Variants in ZBTB17 observed in about 807,000 individuals in gnomAD.
ZBTB17 encodes zinc finger and BTB domain-containing protein 17.
A neutral mutation model predicts 85.1 loss-of-function variants in ZBTB17; 24 were observed. That is an observed-to-expected ratio of 0.28 (90% CI 0.20 to 0.40). ZBTB17 has a LOEUF of 0.40. Among genes scored for constraint, ZBTB17 ranks in the 10% least tolerant of loss-of-function variants. The pLI, the probability that ZBTB17 is intolerant of heterozygous loss-of-function variation, is 1.00. For missense variants in ZBTB17, 743 were observed against 1,105.1 expected, an observed-to-expected ratio of 0.67 and a Z score of 4.65; for synonymous variants, 464 against 460.2, an observed-to-expected ratio of 1.01 and a Z score of -0.11.
At chr1:15,946,859 G>C in intron 4 of ZBTB17, 76 bp downstream of exon 4, 3 of 1,502,054 alleles carry the variant, frequency 2.0e-6, no homozygotes, top group Middle Eastern at 2.4e-4. Flanking sequence ...CTGAGACCCA[G>C]AAAGTCAGAG....
chr1:15,941,993 A>G lies in ZBTB17; in HGVS notation c.2388T>C (p.Pro796=). The G allele has an allele frequency of 6.2e-7, 1 of 1,600,254 alleles. No individual in the cohort carries two copies. Among genetic ancestry groups the G allele is most frequent in the East Asian group, 2.2e-5 (1 of 44,738 alleles). Residue 796 remains proline, a synonymous_variant, in exon 16 of 16, where the codon CCT becomes CCC. Coordinates refer to ENST00000375743, the MANE Select transcript of ZBTB17 (RefSeq NM_003443.3). ...CTCACTCGGCAGGCGGGGGACATTC[A>G]GGAGCTGTAGGGGAGGTCTCTGCCA... ...PALAETSPTA[P]ECPPPAE is the part of the protein sequence containing the mutation.
intron 2 of ZBTB17, among the ~76,000 whole-genome samples, chr1:15,961,763 C>G (rs1402707291): frequency 6.6e-6 from 1 of 152,230 alleles, no homozygotes; most frequent in Non-Finnish European, 1.5e-5. Flanking sequence ...AGACCACCCC[C>G]AAGTGTGACC....
rs1003938904 is a variant in ZBTB17 at position 15,952,509 on chromosome 1, C to A, written c.-2-4012G>T. Among the ~76,000 whole-genome samples, 11 of 152,362 alleles carry A rather than the reference C, an allele frequency of 7.2e-5. No homozygotes were observed. Among genetic ancestry groups the A allele is most frequent in the African/African-American group, 2.6e-4 (11 of 41,590 alleles). On this transcript the variant is annotated intron_variant, in intron 2 of 15. Transcript: ENST00000375743. This position sits in a 1 kb window ranked among gnomAD's most constrained non-coding sequence, Gnocchi z 4.3. ...GCCAGCCATTCCTCCCCTGCCAGGGCCCACCACGCCTCCCATGGAGAGACG... is the reference window on the plus strand; with the variant it reads ...GCCAGCCATTCCTCCCCTGCCAGGGACCACCACGCCTCCCATGGAGAGACG...
rs1474206940 is a variant in ZBTB17, at chr1:15,953,501, G to A, written c.-2-5004C>T. Among the ~76,000 whole-genome samples the A allele has an allele frequency of 6.6e-6, 1 of 152,258 alleles. No individual in the cohort carries two copies. The highest frequency in any genetic ancestry group is 1.5e-5 in the Non-Finnish European group (1 of 68,038). The stretch of plus-strand genomic sequence containing the variant: ...AGCTAAGAGAGCCGCCAAGGCTCCT[G>A]CGGGTGGGATTTGGAAGGGCTGGCC... On this transcript the variant is annotated intron_variant, in intron 2 of 15. Transcript: ENST00000375743. This position sits in a 1 kb window ranked among gnomAD's most constrained non-coding sequence, Gnocchi z 5.1.
Position 15,942,089 on chromosome 1 carries a change from A to C in ZBTB17, c.2292T>G (p.Pro764=). The stretch of plus-strand genomic sequence containing the variant: ...CCCCAGCCTGCAGCACCTGCCCGGC[A>C]GGCCACGTGCCACCTGGCCCATACT... ...YQQYGPGGTW[P]AGQVLQAGEL... Residue 764 remains proline (P), a synonymous_variant, in exon 16 of 16, where the codon CCT becomes CCG. Coordinates refer to ENST00000375743, the MANE Select transcript of ZBTB17 (RefSeq NM_003443.3). The C allele has an allele frequency of 6.2e-7, 1 of 1,613,236 alleles. No individual in the cohort carries two copies. Among genetic ancestry groups the C allele is most frequent in the East Asian group, 2.2e-5 (1 of 44,882 alleles).
chr1:15,970,933 C>T (rs905219825), intron 2 of ZBTB17, among the ~76,000 whole-genome samples: 2 of 152,162 alleles, frequency 1.3e-5, no homozygotes, highest in Non-Finnish European at 2.9e-5. Flanking sequence ...ACTGTGATAG[C>T]AACCTAGAGA....
In ZBTB17 at chr1:15,946,288, T is replaced by C; in HGVS notation, c.401A>G (p.Asp134Gly). 6.2e-7 allele frequency: 1 copy of C among 1,612,634 alleles called. No homozygotes were observed. The highest frequency in any genetic ancestry group is 8.5e-7 in the Non-Finnish European group (1 of 1,179,034). The part of the protein sequence containing the change: ...NAEALATEGG[D>G]KRAKEEKVAT... ...CACCTTCTCCTCTTTGGCTCTCTTGTCCCCTCCTGGAGATGGAACAGGGCA... is the reference window on the plus strand; with the variant it reads ...CACCTTCTCCTCTTTGGCTCTCTTGCCCCCTCCTGGAGATGGAACAGGGCA... The change falls in exon 5 of 16, where the codon GAC becomes GGC. Residue 134 changes from aspartate to glycine, a missense_variant. Asp to Gly is a moderately conservative substitution (Grantham distance 94, BLOSUM62 -1). Transcript: ENST00000375743.
chr1:15,944,187 G>A, intron 9 of ZBTB17, 113 bp downstream of exon 9: 1 of 1,406,144 alleles, frequency 7.1e-7, no homozygotes, highest in Non-Finnish European at 9.6e-7. Flanking sequence ...TGAACAAGCT[G>A]ATGAGCTCCT....
Position 15,947,117 on chromosome 1 carries a change from C to T in ZBTB17, c.212G>A (p.Gly71Glu), listed in dbSNP as rs1253204063. 2 of 1,608,906 alleles carry T rather than the reference C, an allele frequency of 1.2e-6. No homozygotes were observed. Among genetic ancestry groups the T allele is most frequent in the Admixed American group, 3.3e-5 (2 of 59,910 alleles). ...CGTGTACATAAACTCCAGCACCTGC[C>T]CCAGGCCTACCAAGGACAGGACAGC... is the stretch of plus-strand genomic sequence containing the variant. Reference protein sequence around the residue: ...HLDISNAAGLGQVLEFMYTAK... With the variant: ...HLDISNAAGLEQVLEFMYTAK... Residue 71 changes from glycine (G) to glutamate (E), a missense_variant, in exon 4 of 16, where the codon GGG (glycine) becomes GAG (glutamate). Around this residue, in one of 4 missense-constraint regions of ZBTB17, gnomAD observed 74 missense variants for 142.6 expected, o/e 0.52. Transcript: ENST00000375743.
chr1:15,956,240 T>TCA (rs1240694437), intron 2 of ZBTB17, among the ~76,000 whole-genome samples: 2 of 152,226 alleles, frequency 1.3e-5, no homozygotes, highest in East Asian at 3.8e-4. Context: ...ACACAGTGTG[T>TCA]CACCTCCTCT....
In ZBTB17 at chr1:15,943,421, CG is replaced by C. The variant is rs1357714698; in HGVS notation, c.1674del (p.Tyr558Ter). ...HVRQHTGEKP[Y>X]VCERCGKRFV... ...GACCTCTTGCCGCAGCGCTCGCAGA[CG>C]TAGGGCTTCTCCCCGGTGTGCTGGC... On this transcript the variant is annotated frameshift_variant, in exon 12 of 16. Coordinates refer to ENST00000375743, the MANE Select transcript of ZBTB17 (RefSeq NM_003443.3). LOFTEE classifies it high-confidence loss of function. 1.9e-6 allele frequency: 3 copies of C among 1,606,286 alleles called. No homozygotes were observed. Among genetic ancestry groups the C allele is most frequent in the Non-Finnish European group, 2.6e-6 (3 of 1,175,994 alleles).
intron 1 of ZBTB17, among the ~76,000 whole-genome samples, chr1:15,975,678 C>G (rs993791799): frequency 6.6e-6 from 1 of 152,118 alleles, no homozygotes; most frequent in African/African-American, 2.4e-5. Flanking sequence ...GCGGTGACAG[C>G]CGTGCGGCGG....
chr1:15,953,817 GATTAA>G lies in ZBTB17; in HGVS notation c.-2-5325_-2-5321del, dbSNP rs1340611921. Among the ~76,000 whole-genome samples, 1 of 152,196 alleles carries G rather than the reference GATTAA, an allele frequency of 6.6e-6. No individual in the cohort carries two copies. The highest frequency in any genetic ancestry group is 2.4e-5 in the African/African-American group (1 of 41,454). On this transcript the variant is annotated intron_variant, in intron 2 of 15. Coordinates refer to ENST00000375743, the MANE Select transcript of ZBTB17 (RefSeq NM_003443.3). This position sits in a 1 kb window ranked among gnomAD's most constrained non-coding sequence, Gnocchi z 5.1. ...AATGGTATGACTTCCTTTGTGACAG[GATTAA>G]ATTAAGTAACATAGGTCAAGACCCT... is the stretch of plus-strand genomic sequence containing the variant.
chr1:15,954,456 T>C lies in ZBTB17; in HGVS notation c.-2-5959A>G, dbSNP rs189078491. ...CAGCTCTGAGCCTTGACATGAGCCA[T>C]CTTGTGTCCAGGTGCTTGAGGAACC... On this transcript the variant is annotated intron_variant, in intron 2 of 15. Coordinates refer to ENST00000375743, the MANE Select transcript of ZBTB17 (RefSeq NM_003443.3). Among the ~76,000 whole-genome samples, 360 of 152,282 alleles carry C rather than the reference T, an allele frequency of 2.4e-3. 1 individual carries two copies. The highest frequency in any genetic ancestry group is 0.014 in the Middle Eastern group (4 of 294).
chr1:15,957,903 G>A (rs898990755), intron 2 of ZBTB17, among the ~76,000 whole-genome samples: 1 of 152,276 alleles, frequency 6.6e-6, no homozygotes, highest in South Asian at 2.1e-4. Context: ...AGGAGACTCC[G>A]TGGGGGGAAT....
rs1008918296 is a variant in ZBTB17, at chr1:15,945,798, G to A, written c.578C>T (p.Pro193Leu). 18 of 1,603,870 alleles carry A rather than the reference G, an allele frequency of 1.1e-5. No homozygotes were observed. In the African/African-American group the frequency reaches 2.0e-4, roughly 18 times the overall value. Reference protein sequence around the residue: ...TEKADAPREPPPVELKPDPTS... With the variant: ...TEKADAPREPLPVELKPDPTS... ...GGGGTCTGGCTTGAGCTCCACAGGC[G>A]GCGGCTCCCGGGGCGCATCGGCTTT... Residue 193 changes from proline to leucine, a missense_variant, in exon 6 of 16, where the codon CCG (proline) becomes CTG (leucine). This residue lies in a region of ZBTB17 where 279 missense variants were observed against 269.9 expected (regional missense o/e 1.03). Coordinates refer to ENST00000375743, the MANE Select transcript of ZBTB17 (RefSeq NM_003443.3).
At chr1:15,960,020 G>A (rs1369537668) in intron 2 of ZBTB17, among the ~76,000 whole-genome samples, 2 of 152,172 alleles carry the variant, frequency 1.3e-5, no homozygotes, top group African/African-American at 2.4e-5. Flanking sequence ...GGGACGCCCC[G>A]AGCACCACAG....
At chr1:15,965,908 G>C (rs1363980414) in intron 2 of ZBTB17, among the ~76,000 whole-genome samples, 1 of 152,164 alleles carries the variant, frequency 6.6e-6, no homozygotes, top group Non-Finnish European at 1.5e-5. Context: ...GGGATGACTT[G>C]GGCCGGGTGA....
At chr1:15,975,024 GCCTCCCGGGATTCCC>G (rs1305304860) in intron 1 of ZBTB17, among the ~76,000 whole-genome samples, 1 of 152,204 alleles carries the variant, frequency 6.6e-6, no homozygotes, top group Non-Finnish European at 1.5e-5. Context: ...GGGGACAGAA[GCCTCCCGGGATTCCC>G]CCTAGGCTGA....
Sources: allele counts gnomAD v4.1 joint callset (sites outside exome capture counted in the v4.1 genomes callset), GRCh38; gene constraint gnomAD v4.1.1; regional missense constraint gnomAD v4.1.1; non-coding constraint Gnocchi (gnomAD v3.1); transcripts MANE v1.5; gene names NCBI Gene and HGNC (gene_info 2026-07-23, HGNC 2026-07-21).